C1QTNF7: variants seen among roughly 807,000 people sequenced by gnomAD.
C1QTNF7 encodes complement C1q tumor necrosis factor-related protein 7.
In C1QTNF7, 15 loss-of-function variants were observed where a neutral mutation model predicts 19.6. The observed-to-expected ratio is 0.76, with a 90% CI of 0.51 to 1.18. The LOEUF is 1.18. Among genes scored for constraint, C1QTNF7 ranks in the 50% most tolerant of loss-of-function variants. The pLI, the probability that C1QTNF7 is intolerant of heterozygous loss-of-function variation, is 0.00. For synonymous variants in C1QTNF7, 142 were observed against 137.5 expected, an observed-to-expected ratio of 1.03 and a Z score of -0.23; for missense variants, 324 against 359.7, an observed-to-expected ratio of 0.90 and a Z score of 0.80.
At chr4:15,363,981 C>A (rs997645944) in intron 1 of C1QTNF7, among the ~76,000 whole-genome samples, 2 of 152,202 alleles carry the variant, frequency 1.3e-5, no homozygotes, top group African/African-American at 4.8e-5. Context: ...CCCTTTCTCT[C>A]CTCTCTTGAA....
chr4:15,414,944 AG>A (rs1366740357), intron 1 of C1QTNF7, among the ~76,000 whole-genome samples: 2 of 152,256 alleles, frequency 1.3e-5, no homozygotes, highest in Non-Finnish European at 2.9e-5. Flanking sequence ...AACAGAGAAT[AG>A]AGGCCAATGC....
upstream of C1QTNF7, among the ~76,000 whole-genome samples, chr4:15,425,206 C>T (rs1385834961): frequency 2.0e-5 from 3 of 151,964 alleles, no homozygotes. Flanking sequence ...ATTGGAATCA[C>T]CCATAGAGCT....
At position 15,405,381 on chromosome 4, in the gene C1QTNF7, T is replaced by C. The variant is rs1358916622; in HGVS notation, c.14-30355T>C. ...TTTTCAGAATTTCCCATAAGGTGCC[T>C]GCTCATGCCTTATCAGCAAGACTCC... On this transcript the variant is annotated intron_variant, in intron 1 of 2. Coordinates refer to the C1QTNF7 transcript ENST00000295297. Among the ~76,000 whole-genome samples, 3 of 152,198 alleles carry C rather than the reference T, an allele frequency of 2.0e-5. No individual in the cohort carries two copies. The East Asian group carries it at 5.8e-4, about 29-fold the overall frequency.
At chr4:15,375,361 C>T (rs575466054) in intron 1 of C1QTNF7, among the ~76,000 whole-genome samples, 1 of 152,242 alleles carries the variant, frequency 6.6e-6, no homozygotes, top group South Asian at 2.1e-4. Flanking sequence ...CTTACCACTC[C>T]ACTTGGCCAT....
chr4:15,408,442 T>C (rs75572324), intron 1 of C1QTNF7, among the ~76,000 whole-genome samples: 2,872 of 152,130 alleles, frequency 0.019, 41 homozygotes, highest in East Asian at 0.047. Context: ...ATTAAATATT[T>C]GTCTCTTAAG....
intron 1 of C1QTNF7, among the ~76,000 whole-genome samples, chr4:15,350,727 A>G (rs781313055): frequency 6.6e-6 from 1 of 152,196 alleles, no homozygotes; most frequent in Non-Finnish European, 1.5e-5. Flanking sequence ...TGAACCAGAG[A>G]GACTGTGGTT....
chr4:15,380,932 C>T (rs918015038), intron 1 of C1QTNF7, among the ~76,000 whole-genome samples: 1 of 151,376 alleles, frequency 6.6e-6, no homozygotes, highest in Admixed American at 6.6e-5. Flanking sequence ...GAGACTCTGT[C>T]TCAAGAAAAA....
chr4:15,430,756 A>G (rs1469469014), intron 1 of C1QTNF7, among the ~76,000 whole-genome samples: 4 of 152,326 alleles, frequency 2.6e-5, no homozygotes, highest in East Asian at 3.9e-4. Context: ...GGATTATTCA[A>G]TAAAAGGAGT....
At chr4:15,410,834 G>A (rs1330664924) in intron 1 of C1QTNF7, among the ~76,000 whole-genome samples, 1 of 152,158 alleles carries the variant, frequency 6.6e-6, no homozygotes, top group Non-Finnish European at 1.5e-5. Context: ...CAGCACGAAG[G>A]CAGCCTGTAA....
intron 1 of C1QTNF7, among the ~76,000 whole-genome samples, chr4:15,408,221 G>A (rs1224755495): frequency 5.6e-5 from 8 of 143,840 alleles, no homozygotes; most frequent in East Asian, 2.1e-4. Context: ...GCAGTGAGCC[G>A]TAATTGCGTC....
At position 15,428,123 on chromosome 4, in the gene C1QTNF7, T is replaced by C. The variant is rs79556093; in HGVS notation, c.-9+17T>C. ...AAGAGCAAGGTATGGTGTTTACTCT[T>C]TTTTTTAGAATTTTGGCAAATGTAG... On this transcript the variant is annotated intron_variant, in intron 1 of 2. Coordinates refer to ENST00000444304, the MANE Select transcript of C1QTNF7 (RefSeq NM_031911.5). The C allele has an allele frequency of 2.0e-6, 2 of 982,430 alleles. No individual in the cohort carries two copies. Among genetic ancestry groups the C allele is most frequent in the East Asian group, 2.3e-4 (2 of 8,798 alleles). The allele number at this position is 982,430 out of a possible 1,614,324, so 60.9% of individuals were successfully genotyped here.
At chr4:15,388,419 A>G (rs181263513) in intron 1 of C1QTNF7, among the ~76,000 whole-genome samples, 6 of 152,198 alleles carry the variant, frequency 3.9e-5, no homozygotes, top group African/African-American at 1.4e-4. Context: ...CCAAGGAGTC[A>G]AGTATGTGTT....
chr4:15,394,092 G>A (rs565958381), intron 1 of C1QTNF7, among the ~76,000 whole-genome samples: 2 of 152,234 alleles, frequency 1.3e-5, no homozygotes, highest in African/African-American at 4.8e-5. Flanking sequence ...GTGAGAGAAT[G>A]AGCCTGTGAA....
intron 1 of C1QTNF7, among the ~76,000 whole-genome samples, chr4:15,378,885 A>G (rs1008985837): frequency 2.6e-5 from 4 of 152,214 alleles, no homozygotes; most frequent in African/African-American, 9.6e-5. Context: ...CAAAATGAAG[A>G]TCACCATTCA....
intron 1 of C1QTNF7, among the ~76,000 whole-genome samples, chr4:15,434,542 A>C (rs1712455160): frequency 6.6e-6 from 1 of 152,170 alleles, no homozygotes; most frequent in African/African-American, 2.4e-5. Context: ...GCATGGGTCC[A>C]ACCATCCAAA....
In C1QTNF7 at chr4:15,445,505, C is replaced by T. The variant is rs947506774; in HGVS notation, c.*2706C>T. 1 of 152,168 alleles carries T rather than the reference C, an allele frequency of 6.6e-6. No individual in the cohort carries two copies. The highest frequency in any genetic ancestry group is 1.5e-5 in the Non-Finnish European group (1 of 68,026). 9.4% of individuals were successfully genotyped at this position (152,168 alleles called of 1,614,324 possible). On this transcript the variant is annotated 3_prime_UTR_variant, in exon 3 of 3. Transcript: ENST00000444304. Reference sequence around the variant, plus strand: ...AGCCTATTTTGAGTAGCTTTTAAAACTGAATTTCCTTTAATTGGTTTGAAG... The same window carrying T: ...AGCCTATTTTGAGTAGCTTTTAAAATTGAATTTCCTTTAATTGGTTTGAAG...
upstream of C1QTNF7, among the ~76,000 whole-genome samples, chr4:15,424,256 T>C (rs909642166): frequency 1.3e-5 from 2 of 152,230 alleles, no homozygotes; most frequent in African/African-American, 4.8e-5. Context: ...GTTCAGGATA[T>C]GCTGTACCCT....
At chr4:15,353,202 A>T (rs1372622328) in intron 1 of C1QTNF7, among the ~76,000 whole-genome samples, 2 of 152,162 alleles carry the variant, frequency 1.3e-5, no homozygotes, top group African/African-American at 4.8e-5. Flanking sequence ...TGCAATCCCC[A>T]CTTTAAAAAG....
intron 1 of C1QTNF7, among the ~76,000 whole-genome samples, chr4:15,360,620 A>G (rs1336972050): frequency 6.6e-6 from 1 of 152,160 alleles, no homozygotes; most frequent in Non-Finnish European, 1.5e-5. Flanking sequence ...AAAAAGTACA[A>G]AAATGCAAGA....
Sources: allele counts gnomAD v4.1 joint callset (sites outside exome capture counted in the v4.1 genomes callset), GRCh38; gene constraint gnomAD v4.1.1; transcripts MANE v1.5; gene names NCBI Gene and HGNC (gene_info 2026-07-23, HGNC 2026-07-21).